ARHGEF17: variants seen among roughly 807,000 people sequenced by gnomAD.
ARHGEF17 encodes 164 kDa Rho-specific guanine-nucleotide exchange factor.
In ARHGEF17, 80 loss-of-function variants were observed where a neutral mutation model predicts 174.0. The observed-to-expected ratio is 0.46, with a 90% CI of 0.38 to 0.55. The LOEUF (loss-of-function observed/expected upper bound fraction) is 0.55. Ranked by LOEUF, ARHGEF17 falls within the 20% of genes least tolerant of loss-of-function variation. The pLI, the probability that ARHGEF17 is intolerant of heterozygous loss-of-function variation, is 0.00. For missense variants in ARHGEF17, 2,886 were observed against 2,839.7 expected, an observed-to-expected ratio of 1.02 and a Z score of -0.37; for synonymous variants, 1,311 against 1,189.1, an observed-to-expected ratio of 1.10 and a Z score of -2.11.
intron 1 of ARHGEF17, among the ~76,000 whole-genome samples, chr11:73,315,117 G>A (rs537199999): frequency 2.0e-5 from 3 of 152,326 alleles, no homozygotes; most frequent in African/African-American, 7.2e-5. Flanking sequence ...GATTCACCCT[G>A]AATCCTAGCA....
Position 73,365,121 on chromosome 11 carries a change from G to A in ARHGEF17, c.5551-269G>A. ...TTCAGCTTCCCCACCTGTCCAGGGG[G>A]AGGCCAGTGACTGATTTTAGAACCC... On this transcript the variant is annotated intron_variant, in intron 18 of 20. Coordinates refer to ENST00000263674, the MANE Select transcript of ARHGEF17 (RefSeq NM_014786.4). This position sits in a 1 kb window ranked among gnomAD's most constrained non-coding sequence, Gnocchi z 4.9. 1 of 469,218 alleles carries A rather than the reference G, an allele frequency of 2.1e-6. No homozygotes were observed. The highest frequency in any genetic ancestry group is 3.8e-6 in the Non-Finnish European group (1 of 259,810). The allele number at this position is 469,218 out of a possible 1,614,324, so 29.1% of individuals were successfully genotyped here.
At chr11:73,352,703 A>T (rs1865574433) in intron 2 of ARHGEF17, 127 bp from the exon 3 acceptor site, 4 of 941,568 alleles carry the variant, frequency 4.2e-6, no homozygotes, top group Non-Finnish European at 6.5e-6. Flanking sequence ...CATGAGGGAG[A>T]TGTGGAAGGC....
intron 3 of ARHGEF17, among the ~76,000 whole-genome samples, chr11:73,354,695 G>A (rs544674817): frequency 6.7e-6 from 1 of 149,418 alleles, no homozygotes; most frequent in East Asian, 2.0e-4. Flanking sequence ...CAGCCTAGGT[G>A]ACAGAGTGAG....
chr11:73,321,506 A>C (rs1467214828), intron 1 of ARHGEF17, among the ~76,000 whole-genome samples: 3 of 152,234 alleles, frequency 2.0e-5, no homozygotes, highest in Admixed American at 6.5e-5. Flanking sequence ...GATATTAACA[A>C]GTCATTGGAT....
chr11:73,309,013 C>G lies in ARHGEF17; in HGVS notation c.375C>G (p.Ser125Arg). 7.1e-7 allele frequency: 1 copy of G among 1,412,134 alleles called. No individual in the cohort carries two copies. Among genetic ancestry groups the G allele is most frequent in the Non-Finnish European group, 9.2e-7 (1 of 1,087,718 alleles). The allele number at this position is 1,412,134 out of a possible 1,614,324, so 87.5% of individuals were successfully genotyped here. Residue 125 changes from serine to arginine, a missense_variant, in exon 1 of 21, where the codon AGC (serine) becomes AGG (arginine). Ser to Arg is a moderately radical substitution (Grantham distance 110, BLOSUM62 -1). Coordinates refer to ENST00000263674, the MANE Select transcript of ARHGEF17 (RefSeq NM_014786.4). Reference protein sequence around the residue: ...AEGPARGAWPSVTEMRKLFGG... With the variant: ...AEGPARGAWPRVTEMRKLFGG... ...GCCCAGCGCGAGGAGCCTGGCCCAG[C>G]GTCACCGAGATGCGCAAGCTCTTCG...
rs1430377446 is a variant in ARHGEF17, at chr11:73,310,319, A to G, written c.1681A>G (p.Thr561Ala). The change falls in exon 1 of 21, where the codon ACC becomes GCC. Residue 561 changes from threonine (T) to alanine (A), a missense_variant. This residue lies in a region of ARHGEF17 where 1,728 missense variants were observed against 1,461.2 expected (regional missense o/e 1.18). Transcript: ENST00000263674. ...EKPMARRLPR[T>A]SALKSSSSEL... ...GCCCATGGCCCGCCGCCTGCCCCGC[A>G]CCAGTGCTCTGAAGTCCAGCTCCTC... 6.2e-7 allele frequency: 1 copy of G among 1,613,662 alleles called. No homozygotes were observed. The highest frequency in any genetic ancestry group is 1.3e-5 in the African/African-American group (1 of 74,920).
intron 1 of ARHGEF17, among the ~76,000 whole-genome samples, chr11:73,317,956 G>C (rs908283815): frequency 5.3e-5 from 8 of 152,168 alleles, no homozygotes; most frequent in Admixed American, 4.6e-4. Context: ...CAGGAGATCA[G>C]CTTTGCCTCA....
At chr11:73,337,896 C>T (rs1865311219) in intron 1 of ARHGEF17, among the ~76,000 whole-genome samples, 1 of 152,188 alleles carries the variant, frequency 6.6e-6, no homozygotes, top group South Asian at 2.1e-4. Context: ...CTCATAATCC[C>T]ACCCCAGGTG....
At chr11:73,353,276 C>T (rs1010283864) in intron 3 of ARHGEF17, 38 of 536,612 alleles carry the variant, frequency 7.1e-5, no homozygotes, top group African/African-American at 6.5e-4. Context: ...TGGACCCTAC[C>T]CCGCTCCTGG....
At chr11:73,326,592 C>T (rs971517108) in intron 1 of ARHGEF17, among the ~76,000 whole-genome samples, 11 of 152,220 alleles carry the variant, frequency 7.2e-5, no homozygotes, top group Middle Eastern at 6.8e-3. Context: ...TGGTGGCATA[C>T]GCCTGTAATT....
At chr11:73,363,870 T>C (rs1217915097) in intron 16 of ARHGEF17, 37 bp downstream of exon 16, 2 of 1,594,130 alleles carry the variant, frequency 1.3e-6, no homozygotes, top group East Asian at 2.2e-5. Flanking sequence ...TCTAGACTCT[T>C]CTCAGCCACA....
chr11:73,354,819 G>C (rs1865610388), intron 3 of ARHGEF17, among the ~76,000 whole-genome samples: 1 of 152,160 alleles, frequency 6.6e-6, no homozygotes, highest in East Asian at 1.9e-4. Context: ...CAGGTTTCCT[G>C]GTTCCCAGAC....
intron 1 of ARHGEF17, among the ~76,000 whole-genome samples, chr11:73,323,695 G>A (rs982454089): frequency 2.6e-5 from 4 of 152,242 alleles, no homozygotes; most frequent in South Asian, 2.1e-4. Context: ...CAGCGGGGGC[G>A]TTGCCTGGGG....
In ARHGEF17 at chr11:73,357,153, G is replaced by A; in HGVS notation, c.4001+19G>A. ...TGAGCCTGTGAGTGGCTGGGCCGGGGTTTGGGTGGTGCCAACAGGGGGAGC... is the reference window on the plus strand; with the variant it reads ...TGAGCCTGTGAGTGGCTGGGCCGGGATTTGGGTGGTGCCAACAGGGGGAGC... On this transcript the variant is annotated intron_variant, in intron 8 of 20. Transcript: ENST00000263674. The A allele has an allele frequency of 6.2e-7, 1 of 1,613,664 alleles. No individual in the cohort carries two copies. Among genetic ancestry groups the A allele is most frequent in the Non-Finnish European group, 8.5e-7 (1 of 1,179,754 alleles).
intron 1 of ARHGEF17, among the ~76,000 whole-genome samples, chr11:73,321,660 T>A (rs1228453672): frequency 3.3e-5 from 5 of 152,212 alleles, no homozygotes; most frequent in Non-Finnish European, 7.3e-5. Context: ...ACTTAGTGTA[T>A]GCTTTTGAGA....
Position 73,308,786 on chromosome 11 carries a change from G to C in ARHGEF17, c.148G>C (p.Ala50Pro), listed in dbSNP as rs1864739340. Residue 50 changes from alanine to proline, a missense_variant, in exon 1 of 21, where the codon GCC (alanine) becomes CCC (proline). Around this residue, in one of 4 missense-constraint regions of ARHGEF17, gnomAD observed 1,728 missense variants for 1,461.2 expected, o/e 1.18. Transcript: ENST00000263674. ...RRASCRPTTA[A>P]RGQPSRRVSK... Reference sequence around the variant, plus strand: ...CGCCTCGTGCCGGCCGACCACGGCTGCCCGGGGCCAGCCCTCTCGGCGCGT... The same window carrying C: ...CGCCTCGTGCCGGCCGACCACGGCTCCCCGGGGCCAGCCCTCTCGGCGCGT... The C allele has an allele frequency of 7.1e-7, 1 of 1,406,706 alleles. No homozygotes were observed. The highest frequency in any genetic ancestry group is 1.5e-5 in the African/African-American group (1 of 66,178). 87.1% of individuals were successfully genotyped at this position (1,406,706 alleles called of 1,614,324 possible). A position where few individuals can be genotyped will look rare whatever the true frequency, so the allele number is the denominator to read the frequency against.
At chr11:73,320,129 C>T (rs535604268) in intron 1 of ARHGEF17, among the ~76,000 whole-genome samples, 36 of 152,220 alleles carry the variant, frequency 2.4e-4, no homozygotes, top group South Asian at 1.5e-3. Flanking sequence ...GGCATTGGTG[C>T]TGTCTGACCA....
In ARHGEF17 at chr11:73,311,169, G is replaced by T. The variant is rs1201705482; in HGVS notation, c.2531G>T (p.Gly844Val). The T allele has an allele frequency of 1.9e-6, 3 of 1,596,216 alleles. No individual in the cohort carries two copies. Among genetic ancestry groups the T allele is most frequent in the Non-Finnish European group, 1.7e-6 (2 of 1,168,576 alleles). The change falls in exon 1 of 21, where the codon GGC becomes GTC. Residue 844 changes from glycine to valine, a missense_variant. By Grantham distance (109) the Gly-to-Val change is moderately radical (BLOSUM62 -3). Coordinates refer to ENST00000263674, the MANE Select transcript of ARHGEF17 (RefSeq NM_014786.4). Reference sequence around the variant, plus strand: ...GAGCTGGCTGGGCCTGGATTCGAGGGCCCTGGAGGGGAGCCCATCCGAGAA... The same window carrying T: ...GAGCTGGCTGGGCCTGGATTCGAGGTCCCTGGAGGGGAGCCCATCCGAGAA... The part of the protein sequence containing the change: ...RGELAGPGFE[G>V]PGGEPIREVE...
chr11:73,313,403 G>A (rs956597920), intron 1 of ARHGEF17, among the ~76,000 whole-genome samples: 3 of 152,170 alleles, frequency 2.0e-5, no homozygotes, highest in Non-Finnish European at 4.4e-5. Flanking sequence ...GAGCCTTGAA[G>A]GCTCAAATGG....
Sources: gnomAD v4.1 joint callset for allele counts (sites outside exome capture counted in the v4.1 genomes callset) on GRCh38, gnomAD v4.1.1 for gene constraint, gnomAD v4.1.1 regional missense constraint, Gnocchi (gnomAD v3.1) non-coding constraint, MANE v1.5 for transcripts, NCBI Gene and HGNC (gene_info 2026-07-23, HGNC 2026-07-21) for gene names.